Variants in LHFPL3 observed in about 807,000 individuals in gnomAD.
LHFPL3 encodes LHFPL tetraspan subfamily member 3 protein.
In LHFPL3, 5 loss-of-function variants were observed where a neutral mutation model predicts 19.3. The ratio of observed to expected loss-of-function variants is 0.26; its 90% CI spans 0.14 to 0.54. The LOEUF (loss-of-function observed/expected upper bound fraction) is 0.54, where lower values mean the gene tolerates loss of function less well. LHFPL3 is among the 20% of genes least tolerant of loss of function. The probability of loss-of-function intolerance (pLI) is 0.94; values close to 1 mark genes in which losing one functional copy is unlikely to be tolerated. For synonymous variants in LHFPL3, 133 were observed against 126.2 expected (o/e 1.05, Z -0.36); for missense variants, 249 against 307.4 (o/e 0.81, Z 1.42).
At chr7:104,569,224 C>T (rs1385279803) in intron 1 of LHFPL3, among the ~76,000 whole-genome samples, 1 of 152,172 alleles carries the variant, frequency 6.6e-6, no homozygotes, top group East Asian at 1.9e-4. Context: ...TCTAGTGTAG[C>T]ACCCATTACA....
At chr7:104,725,077 T>C (rs1183115932) in intron 1 of LHFPL3, among the ~76,000 whole-genome samples, 1 of 152,250 alleles carries the variant, frequency 6.6e-6, no homozygotes, top group Admixed American at 6.5e-5. Context: ...TCTCATATTC[T>C]TCACTTAAAA....
chr7:104,363,000 T>A (rs1202350165), intron 1 of LHFPL3, among the ~76,000 whole-genome samples: 1 of 152,236 alleles, frequency 6.6e-6, no homozygotes, highest in Non-Finnish European at 1.5e-5. Context: ...ATGTTCTCTA[T>A]AGGAACAATT....
rs186161677 is a variant in LHFPL3, at chr7:104,349,440, G to C, written c.445+20216G>C. Among the ~76,000 whole-genome samples, 6 of 152,276 alleles carry C rather than the reference G, an allele frequency of 3.9e-5. No homozygotes were observed. In the East Asian group the frequency reaches 1.2e-3, roughly 29 times the overall value. On this transcript the variant is annotated intron_variant, in intron 1 of 2. Transcript: ENST00000424859. Reference sequence around the variant, plus strand: ...AAAGTGTTGGGAAATGAATTATTCTGTATAATAAACCCCAGACATACAAGG... The same window carrying C: ...AAAGTGTTGGGAAATGAATTATTCTCTATAATAAACCCCAGACATACAAGG...
At chr7:104,582,230 T>C (rs1477944555) in intron 1 of LHFPL3, among the ~76,000 whole-genome samples, 1 of 151,992 alleles carries the variant, frequency 6.6e-6, no homozygotes, top group Non-Finnish European at 1.5e-5. Flanking sequence ...TTGACACTAT[T>C]ATTAATAAAA....
At chr7:104,872,210 G>T (rs1034415699) in intron 2 of LHFPL3, among the ~76,000 whole-genome samples, 4 of 151,748 alleles carry the variant, frequency 2.6e-5, no homozygotes, top group Admixed American at 1.3e-4. Flanking sequence ...GGTGGCACAT[G>T]CTTGTAGTTC....
intron 1 of LHFPL3, among the ~76,000 whole-genome samples, chr7:104,427,682 T>C (rs999900716): frequency 6.6e-6 from 1 of 152,238 alleles, no homozygotes; most frequent in African/African-American, 2.4e-5. Context: ...TGCTGTGAGT[T>C]GAAGGCATGT....
intron 1 of LHFPL3, among the ~76,000 whole-genome samples, chr7:104,431,725 A>G (rs1380338684): frequency 4.6e-5 from 7 of 152,238 alleles, no homozygotes; most frequent in Non-Finnish European, 7.3e-5. Flanking sequence ...TGTTCCTTTC[A>G]GTATTTTAAA....
chr7:104,460,049 C>T (rs772393688), intron 1 of LHFPL3, among the ~76,000 whole-genome samples: 7 of 152,086 alleles, frequency 4.6e-5, no homozygotes, highest in Non-Finnish European at 8.8e-5. Context: ...CTGTTGTTCC[C>T]CTCTTTGTGC....
chr7:104,472,536 C>G (rs889646607), intron 1 of LHFPL3, among the ~76,000 whole-genome samples: 1 of 152,148 alleles, frequency 6.6e-6, no homozygotes, highest in African/African-American at 2.4e-5. Flanking sequence ...TTTCCAGGCC[C>G]TTTTACATGC....
intron 1 of LHFPL3, among the ~76,000 whole-genome samples, chr7:104,595,891 G>T (rs1017819317): frequency 3.3e-5 from 5 of 152,266 alleles, no homozygotes; most frequent in African/African-American, 1.2e-4. Context: ...GAATCACCTT[G>T]TCTGCCGGTT....
At chr7:104,409,099 G>A (rs1290760416) in intron 1 of LHFPL3, among the ~76,000 whole-genome samples, 5 of 150,344 alleles carry the variant, frequency 3.3e-5, no homozygotes, top group African/African-American at 4.9e-5. Context: ...GATGGTCTCG[G>A]TCTCCTGGCC....
At chr7:104,474,857 G>T (rs1472351550) in intron 1 of LHFPL3, among the ~76,000 whole-genome samples, 2 of 152,070 alleles carry the variant, frequency 1.3e-5, no homozygotes, top group Non-Finnish European at 2.9e-5. Context: ...TTAGTGAAGG[G>T]TATAGAGGAA....
chr7:104,561,362 G>T (rs1160478189), intron 1 of LHFPL3, among the ~76,000 whole-genome samples: 14 of 149,994 alleles, frequency 9.3e-5, no homozygotes, highest in Non-Finnish European at 1.8e-4. Flanking sequence ...GAATCTTGGT[G>T]CTCCTGTATT....
chr7:104,380,706 A>G (rs1365813233), intron 1 of LHFPL3, among the ~76,000 whole-genome samples: 3 of 152,216 alleles, frequency 2.0e-5, no homozygotes, highest in Non-Finnish European at 4.4e-5. Flanking sequence ...TAGGAGAAAT[A>G]TTTGTGACTA....
At chr7:104,753,779 G>C (rs986502185) in intron 2 of LHFPL3, among the ~76,000 whole-genome samples, 4 of 152,124 alleles carry the variant, frequency 2.6e-5, no homozygotes, top group African/African-American at 7.2e-5. Flanking sequence ...CAAAAACAGA[G>C]CCAGCATGTA....
At chr7:104,886,802 T>C (rs180924094) in intron 2 of LHFPL3, among the ~76,000 whole-genome samples, 1 of 152,326 alleles carries the variant, frequency 6.6e-6, no homozygotes, top group African/African-American at 2.4e-5. Flanking sequence ...GATTAGGCAA[T>C]AGGAAGCTTT....
intron 1 of LHFPL3, among the ~76,000 whole-genome samples, chr7:104,499,557 AG>A (rs1287785359): frequency 6.6e-6 from 1 of 152,162 alleles, no homozygotes; most frequent in African/African-American, 2.4e-5. Context: ...AGACCTTTGG[AG>A]AAAGTACTTC....
Position 104,649,884 on chromosome 7 carries a change from T to C in LHFPL3, c.446-86791T>C, listed in dbSNP as rs567601900. 2.6e-5 allele frequency among the ~76,000 whole-genome samples: 4 copies of C among 152,212 alleles called. No individual in the cohort carries two copies. In the South Asian group the frequency reaches 6.2e-4, roughly 24 times the overall value. On this transcript the variant is annotated intron_variant, in intron 1 of 2. Coordinates refer to ENST00000424859, the MANE Select transcript of LHFPL3 (RefSeq NM_199000.3). The stretch of plus-strand genomic sequence containing the variant: ...AAAGAAGCATGGTCAGTTGTTTACA[T>C]TGACAGCATCTGGGGCTTGTTAGAA...
At chr7:104,695,706 C>T (rs1792984790) in intron 1 of LHFPL3, among the ~76,000 whole-genome samples, 1 of 152,144 alleles carries the variant, frequency 6.6e-6, no homozygotes. Context: ...ACCACCTACC[C>T]AAGGGACCTA....
Sources: gnomAD v4.1 joint callset for allele counts (sites outside exome capture counted in the v4.1 genomes callset) on GRCh38, gnomAD v4.1.1 for gene constraint, MANE v1.5 for transcripts, NCBI Gene and HGNC (gene_info 2026-07-23, HGNC 2026-07-21) for gene names.